Variants in ADAMTS3 observed in about 807,000 individuals in gnomAD.
The protein encoded by ADAMTS3 is A disintegrin and metalloproteinase with thrombospondin motifs 3.
A neutral mutation model predicts 129.0 loss-of-function variants in ADAMTS3; 73 were observed. The ratio of observed to expected loss-of-function variants is 0.57; its 90% confidence interval spans 0.47 to 0.69. ADAMTS3 has a LOEUF of 0.69. Among genes scored for constraint, ADAMTS3 ranks in the 30% least tolerant of loss-of-function variants. The probability of loss-of-function intolerance (pLI) is 0.00; values close to 1 mark genes in which losing one functional copy is unlikely to be tolerated. For synonymous variants in ADAMTS3, 477 were observed against 510.8 expected (o/e 0.93, Z 0.89); for missense variants, 1,457 against 1,514.5 (o/e 0.96, Z 0.63).
intron 4 of ADAMTS3, among the ~76,000 whole-genome samples, chr4:72,366,763 A>T (rs1444333323): frequency 6.6e-6 from 1 of 151,410 alleles, no homozygotes; most frequent in East Asian, 1.9e-4. Context: ...AGGGTATTTT[A>T]GTGTCCCAAG....
At chr4:72,378,373 G>A (rs1267276036) in intron 4 of ADAMTS3, among the ~76,000 whole-genome samples, 3 of 152,084 alleles carry the variant, frequency 2.0e-5, no homozygotes, top group Non-Finnish European at 4.4e-5. Flanking sequence ...TCTGTTTGAG[G>A]TTCAATTACA....
At chr4:72,497,260 T>C (rs1719895476) in intron 3 of ADAMTS3, among the ~76,000 whole-genome samples, 1 of 152,080 alleles carries the variant, frequency 6.6e-6, no homozygotes, top group South Asian at 2.1e-4. Context: ...TGGAAATGCA[T>C]ATACAGACAC....
At chr4:72,439,012 G>A (rs991849249) in intron 3 of ADAMTS3, among the ~76,000 whole-genome samples, 2 of 151,604 alleles carry the variant, frequency 1.3e-5, no homozygotes, top group African/African-American at 2.4e-5. Flanking sequence ...TAATAGTAAC[G>A]TAATAATTTG....
intron 3 of ADAMTS3, among the ~76,000 whole-genome samples, chr4:72,531,561 G>C (rs1298719161): frequency 4.6e-5 from 7 of 152,124 alleles, no homozygotes; most frequent in East Asian, 1.9e-4. Context: ...GTAGGAACAG[G>C]GTACGTGGCT....
At chr4:72,404,854 ACACAC>A (rs1191949483) in intron 4 of ADAMTS3, among the ~76,000 whole-genome samples, 3 of 151,472 alleles carry the variant, frequency 2.0e-5, no homozygotes, top group South Asian at 4.2e-4. Flanking sequence ...ACACACACAC[ACACAC>A]AAAACACACA....
chr4:72,497,023 T>A (rs1719889709), intron 3 of ADAMTS3, among the ~76,000 whole-genome samples: 2 of 151,808 alleles, frequency 1.3e-5, no homozygotes, highest in Admixed American at 1.3e-4. Context: ...TCATTCCAGG[T>A]CCCCCCTTTG....
At chr4:72,403,056 G>A (rs1721965091) in intron 4 of ADAMTS3, among the ~76,000 whole-genome samples, 1 of 152,068 alleles carries the variant, frequency 6.6e-6, no homozygotes, top group African/African-American at 2.4e-5. Context: ...GTATAACACA[G>A]TCAAAGTGTT....
At chr4:72,499,960 TC>T (rs1430448929) in intron 3 of ADAMTS3, among the ~76,000 whole-genome samples, 1 of 152,176 alleles carries the variant, frequency 6.6e-6, no homozygotes, top group African/African-American at 2.4e-5. Context: ...ATGATTTCAT[TC>T]CTTTTTATTG....
At chr4:72,335,334 G>A (rs1028162392) in intron 5 of ADAMTS3, among the ~76,000 whole-genome samples, 2 of 152,026 alleles carry the variant, frequency 1.3e-5, no homozygotes, top group African/African-American at 2.4e-5. Context: ...GCATTCATAC[G>A]CACAGTCATT....
intron 4 of ADAMTS3, among the ~76,000 whole-genome samples, chr4:72,403,986 A>C (rs1560503273): frequency 1.3e-5 from 2 of 152,074 alleles, no homozygotes. Flanking sequence ...AATATTACAT[A>C]CTAGAATTCT....
intron 3 of ADAMTS3, among the ~76,000 whole-genome samples, chr4:72,455,850 T>TA (rs1718543417): frequency 8.4e-6 from 1 of 118,756 alleles, no homozygotes; most frequent in South Asian, 2.3e-4. Context: ...ATACTATATA[T>TA]TTTATATATA....
At chr4:72,365,384 A>T (rs1010726424) in intron 4 of ADAMTS3, among the ~76,000 whole-genome samples, 1 of 152,172 alleles carries the variant, frequency 6.6e-6, no homozygotes, top group African/African-American at 2.4e-5. Context: ...CATGACACCC[A>T]TTATGTTTTC....
chr4:72,452,585 C>T (rs1718434919), intron 3 of ADAMTS3, among the ~76,000 whole-genome samples: 1 of 151,764 alleles, frequency 6.6e-6, no homozygotes, highest in Admixed American at 6.6e-5. Context: ...GCTTCAACAA[C>T]CAGTCTCCAT....
chr4:72,434,100 G>A (rs1187268362), intron 3 of ADAMTS3, among the ~76,000 whole-genome samples: 1 of 151,664 alleles, frequency 6.6e-6, no homozygotes, highest in East Asian at 2.0e-4. Context: ...ATGGCCACAT[G>A]AGAACAGAGT....
chr4:72,469,661 A>T lies in ADAMTS3; in HGVS notation c.505-54690T>A, dbSNP rs1157834681. Reference sequence around the variant, plus strand: ...GTGAACTGTGTGCATCCATTTATACATGGATCTTCTGCCTTTGCCAACCCT... The same window carrying T: ...GTGAACTGTGTGCATCCATTTATACTTGGATCTTCTGCCTTTGCCAACCCT... On this transcript the variant is annotated intron_variant, in intron 3 of 21. Transcript: ENST00000286657. Among the ~76,000 whole-genome samples, 3 of 152,162 alleles carry T rather than the reference A, an allele frequency of 2.0e-5. No individual in the cohort carries two copies. The South Asian group carries it at 6.2e-4, about 32-fold the overall frequency.
intron 2 of ADAMTS3, among the ~76,000 whole-genome samples, chr4:72,551,787 C>T (rs1465154858): frequency 6.6e-6 from 1 of 152,182 alleles, no homozygotes; most frequent in Non-Finnish European, 1.5e-5. Flanking sequence ...AATTCCTGTT[C>T]TGATCATTTT....
intron 4 of ADAMTS3, among the ~76,000 whole-genome samples, chr4:72,348,419 T>C (rs1720341730): frequency 6.6e-6 from 1 of 152,100 alleles, no homozygotes. Flanking sequence ...CATATTCATA[T>C]TTATATTACA....
At chr4:72,517,362 G>C (rs1251211360) in intron 3 of ADAMTS3, among the ~76,000 whole-genome samples, 1 of 152,128 alleles carries the variant, frequency 6.6e-6, no homozygotes, top group Non-Finnish European at 1.5e-5. Flanking sequence ...AAATGAGTTA[G>C]GGAGGATTCC....
intron 3 of ADAMTS3, among the ~76,000 whole-genome samples, chr4:72,522,498 C>G (rs78955642): frequency 6.6e-6 from 1 of 152,040 alleles, no homozygotes; most frequent in African/African-American, 2.4e-5. Flanking sequence ...AACAGTTAAG[C>G]GAGAGGAAAC....
Sources: gnomAD v4.1 joint callset for allele counts (sites outside exome capture counted in the v4.1 genomes callset) on GRCh38, gnomAD v4.1.1 for gene constraint, MANE v1.5 for transcripts, NCBI Gene and HGNC (gene_info 2026-07-23, HGNC 2026-07-21) for gene names.